NUMB: variants seen among roughly 807,000 people sequenced by gnomAD.
The protein encoded by NUMB is NUMB endocytic adaptor protein.
NUMB carries 29 observed loss-of-function variants against 59.7 expected under a neutral mutation model. The observed-to-expected ratio is 0.49, with a 90% CI of 0.36 to 0.66. NUMB has a LOEUF of 0.66. Ranked by LOEUF, NUMB falls within the 30% of genes least tolerant of loss-of-function variation. The pLI is 0.00. For synonymous variants in NUMB, 288 were observed against 288.2 expected (o/e 1.00, Z 0.01); for missense variants, 723 against 822.0 (o/e 0.88, Z 1.47).
At chr14:73,447,089 A>G (rs1883570285) in intron 1 of NUMB, among the ~76,000 whole-genome samples, 1 of 150,990 alleles carries the variant, frequency 6.6e-6, no homozygotes, top group Non-Finnish European at 1.5e-5. Context: ...GGGGAGGCCG[A>G]GGCAAGGGAA....
chr14:73,417,088 G>A (rs147614008), intron 1 of NUMB, among the ~76,000 whole-genome samples: 6 of 151,884 alleles, frequency 4.0e-5, no homozygotes, highest in East Asian at 1.9e-4. Context: ...AATTCCAGGC[G>A]ACGATCATCT....
intron 1 of NUMB, among the ~76,000 whole-genome samples, chr14:73,442,250 T>A (rs541599947): frequency 6.7e-6 from 1 of 150,164 alleles, no homozygotes; most frequent in East Asian, 1.9e-4. Flanking sequence ...GGTGCATGCC[T>A]ATGGTCCTAG....
rs2140333469 is a variant in NUMB, at chr14:73,276,842, G to C, written c.1692C>G (p.His564Gln). 2 of 1,614,186 alleles carry C rather than the reference G, an allele frequency of 1.2e-6. No homozygotes were observed. Among genetic ancestry groups the C allele is most frequent in the East Asian group, 2.2e-5 (1 of 44,890 alleles). The change falls in exon 13 of 13, where the codon CAC becomes CAG. Residue 564 changes from histidine to glutamine, a missense_variant. This residue lies in a region of NUMB where 406 missense variants were observed against 385.4 expected (regional missense o/e 1.05). Transcript: ENST00000555238. ...PSLVRQQTFP[H>Q]YEASSATTSP... ...TGGTGGTAGCACTGCTTGCCTCGTAGTGAGGGAATGTCTGCTGCCTGACCA... is the reference window on the plus strand; with the variant it reads ...TGGTGGTAGCACTGCTTGCCTCGTACTGAGGGAATGTCTGCTGCCTGACCA...
intron 2 of NUMB, among the ~76,000 whole-genome samples, chr14:73,367,346 TATAGA>T (rs1164043691): frequency 3.3e-5 from 3 of 91,266 alleles, no homozygotes; most frequent in African/African-American, 6.6e-5. Flanking sequence ...TATATATATA[TATAGA>T]GAGAGAGAGA....
Position 73,372,379 on chromosome 14 carries a change from A to G in NUMB, c.-100-5398T>C, listed in dbSNP as rs1894750380. ...TATATAACCTTTTATATATATATAT[A>G]TAAATGTGTATGTCAGTGTATACGC... On this transcript the variant is annotated intron_variant, in intron 2 of 12. Coordinates refer to ENST00000555238, the MANE Select transcript of NUMB (RefSeq NM_001005743.2). Among the ~76,000 whole-genome samples, 3 of 144,854 alleles carry G rather than the reference A, an allele frequency of 2.1e-5. No homozygotes were observed. The South Asian group carries it at 6.4e-4, about 31-fold the overall frequency.
intron 2 of NUMB, among the ~76,000 whole-genome samples, chr14:73,383,299 A>G (rs1895341188): frequency 6.6e-6 from 1 of 151,792 alleles, no homozygotes; most frequent in African/African-American, 2.4e-5. Context: ...CTATGAAAAC[A>G]AAAAAAAAGT....
At chr14:73,422,686 G>T (rs1277829156) in intron 1 of NUMB, among the ~76,000 whole-genome samples, 1 of 151,844 alleles carries the variant, frequency 6.6e-6, no homozygotes, top group Non-Finnish European at 1.5e-5. Flanking sequence ...GGGGAAAGGG[G>T]GTGGGGACGT....
chr14:73,277,071 A>G lies in NUMB; in HGVS notation c.1463T>C (p.Leu488Pro), dbSNP rs746093763. ...ACCCACTGGCACAGGCTGAGAGGTG[A>G]GGAATGCATTCCCTTGGAAAGGTGA... ...PASPFQGNAF[L>P]TSQPVPVGVV... The change falls in exon 13 of 13, where the codon CTC becomes CCC. Residue 488 changes from leucine (L) to proline (P), a missense_variant. Transcript: ENST00000555238. 1 of 1,614,118 alleles carries G rather than the reference A, an allele frequency of 6.2e-7. No homozygotes were observed. Among genetic ancestry groups the G allele is most frequent in the East Asian group, 2.2e-5 (1 of 44,876 alleles).
intron 2 of NUMB, among the ~76,000 whole-genome samples, chr14:73,382,018 G>C (rs1895266713): frequency 1.3e-5 from 2 of 152,146 alleles, no homozygotes; most frequent in Non-Finnish European, 2.9e-5. Flanking sequence ...TACCAAGACA[G>C]GCAGATTTGT....
At chr14:73,409,122 G>A (rs1322558974) in intron 2 of NUMB, 2 of 151,994 alleles carry the variant, frequency 1.3e-5, no homozygotes, top group Non-Finnish European at 2.9e-5. Context: ...TGCCTACAAC[G>A]TTAGATTCCA....
intron 4 of NUMB, among the ~76,000 whole-genome samples, chr14:73,334,949 C>CAAAAAA (rs10700256): frequency 9.1e-6 from 1 of 110,338 alleles, no homozygotes; most frequent in Non-Finnish European, 1.9e-5. Context: ...AACTCTGTCT[C>CAAAAAA]AAAAAAAAAA....
At chr14:73,394,489 G>A (rs879228557) in intron 2 of NUMB, among the ~76,000 whole-genome samples, 2 of 151,644 alleles carry the variant, frequency 1.3e-5, no homozygotes, top group Admixed American at 6.6e-5. Flanking sequence ...GCTCACCACA[G>A]CTTTGAATTC....
At chr14:73,326,081 G>A (rs967659309) in intron 4 of NUMB, among the ~76,000 whole-genome samples, 2 of 152,132 alleles carry the variant, frequency 1.3e-5, no homozygotes, top group Admixed American at 1.3e-4. Flanking sequence ...GAGCTCCAGG[G>A]AACCAGAAAG....
At chr14:73,430,719 A>ATCACGAGG (rs1897790335) in intron 1 of NUMB, among the ~76,000 whole-genome samples, 1 of 152,076 alleles carries the variant, frequency 6.6e-6, no homozygotes, top group Non-Finnish European at 1.5e-5. Flanking sequence ...AGGCGGGCAG[A>ATCACGAGG]TCACGAGGTC....
chr14:73,414,691 G>A (rs942353960), intron 1 of NUMB, among the ~76,000 whole-genome samples: 3 of 151,966 alleles, frequency 2.0e-5, no homozygotes, highest in African/African-American at 4.8e-5. Context: ...CTGGCCCCCA[G>A]ATAATGACCG....
intron 1 of NUMB, among the ~76,000 whole-genome samples, chr14:73,411,823 T>C (rs1413722211): frequency 6.6e-6 from 1 of 152,134 alleles, no homozygotes; most frequent in Non-Finnish European, 1.5e-5. Context: ...TCTGTCATAT[T>C]GCTATCTGAA....
intron 5 of NUMB, among the ~76,000 whole-genome samples, chr14:73,320,142 C>CA (rs1384106371): frequency 1.4e-5 from 2 of 148,118 alleles, no homozygotes; most frequent in East Asian, 2.1e-4. Context: ...GGCGGGGGGG[C>CA]AAAAAAAGAA....
intron 2 of NUMB, among the ~76,000 whole-genome samples, chr14:73,404,695 G>A (rs1896577912): frequency 6.6e-6 from 1 of 151,992 alleles, no homozygotes; most frequent in Non-Finnish European, 1.5e-5. Flanking sequence ...CTACAGCTAT[G>A]TAACTTGGTA....
rs561358701 is a variant in NUMB, at chr14:73,387,083, C to A, written c.-100-20102G>T. Among the ~76,000 whole-genome samples the A allele has an allele frequency of 1.1e-4, 17 of 151,122 alleles. No individual in the cohort carries two copies. In the South Asian group the frequency reaches 3.2e-3, roughly 28 times the overall value. On this transcript the variant is annotated intron_variant, in intron 2 of 12. Transcript: ENST00000555238. ...ATTTTTAGTAGAGACGGGGTTTCAC[C>A]GTTTTAGCCGGGATGGTCTCGATCT...
Sources: gnomAD v4.1 joint callset for allele counts (sites outside exome capture counted in the v4.1 genomes callset) on GRCh38, gnomAD v4.1.1 for gene constraint, gnomAD v4.1.1 regional missense constraint, MANE v1.5 for transcripts, NCBI Gene and HGNC (gene_info 2026-07-23, HGNC 2026-07-21) for gene names.